KLF12: variants seen among roughly 807,000 people sequenced by gnomAD.
KLF12 encodes the protein KLF transcription factor 12.
A neutral mutation model predicts 37.8 loss-of-function variants in KLF12; 9 were observed. That is an observed-to-expected ratio of 0.24 (90% CI 0.14 to 0.42). The LOEUF (loss-of-function observed/expected upper bound fraction) is 0.42, where lower values mean the gene tolerates loss of function less well. KLF12 is among the 10% of genes least tolerant of loss of function. The pLI is 1.00. For missense variants in KLF12, 411 were observed against 516.0 expected, an observed-to-expected ratio of 0.80 and a Z score of 1.97; for synonymous variants, 208 against 202.1, an observed-to-expected ratio of 1.03 and a Z score of -0.25.
At chr13:73,938,437 T>TGGA (rs1323256983) in intron 3 of KLF12, among the ~76,000 whole-genome samples, 1 of 152,174 alleles carries the variant, frequency 6.6e-6, no homozygotes. Flanking sequence ...GCCTAACGAC[T>TGGA]GGAGTCTTTT....
chr13:73,808,211 A>G (rs1010490645), intron 5 of KLF12, among the ~76,000 whole-genome samples: 1 of 152,138 alleles, frequency 6.6e-6, no homozygotes, highest in Admixed American at 6.5e-5. Flanking sequence ...CCAAAACAAA[A>G]CAGATGTTCT....
rs972831692 is a variant in KLF12 at position 73,846,332 on chromosome 13, G to C, written c.165C>G (p.Pro55=). The stretch of plus-strand genomic sequence containing the variant: ...CCCCTTTCACATTATTTAGCAACAG[G>C]GGAACGGCTTCCATATCGGGATAGT... Residue 55 remains proline, a synonymous_variant, in exon 4 of 8, where the codon CCC becomes CCG. Coordinates refer to ENST00000377669, the MANE Select transcript of KLF12 (RefSeq NM_007249.5). The C allele has an allele frequency of 6.2e-7, 1 of 1,613,804 alleles. No individual in the cohort carries two copies. The highest frequency in any genetic ancestry group is 1.7e-4 in the Middle Eastern group (1 of 5,820).
chr13:74,101,782 A>T (rs535431094), intron 1 of KLF12, among the ~76,000 whole-genome samples: 22 of 152,318 alleles, frequency 1.4e-4, no homozygotes, highest in African/African-American at 5.3e-4. Flanking sequence ...GACATAATAT[A>T]TGAAAAACAT....
chr13:73,706,924 A>G (rs1350567521), intron 7 of KLF12, among the ~76,000 whole-genome samples: 2 of 152,184 alleles, frequency 1.3e-5, no homozygotes, highest in African/African-American at 2.4e-5. Context: ...ACATCTTCTC[A>G]CTGGCTTCTA....
chr13:74,037,909 G>C (rs1893300485), intron 1 of KLF12, among the ~76,000 whole-genome samples: 1 of 152,184 alleles, frequency 6.6e-6, no homozygotes, highest in South Asian at 2.1e-4. Context: ...CACAAGGTCA[G>C]GATGATTAAA....
chr13:73,941,112 G>A (rs1016266118), intron 3 of KLF12, among the ~76,000 whole-genome samples: 1 of 152,194 alleles, frequency 6.6e-6, no homozygotes, highest in East Asian at 1.9e-4. Context: ...TAAAGACAGA[G>A]TACCAAAACT....
chr13:73,738,110 T>TGTGTAC lies in KLF12; in HGVS notation c.870-22586_870-22585insGTACAC, dbSNP rs1218452087. ...ATGTGTACATATATATATATATATA[T>TGTGTAC]ATATATATATATATACACACACACA... On this transcript the variant is annotated intron_variant, in intron 6 of 7. Coordinates refer to ENST00000377669, the MANE Select transcript of KLF12 (RefSeq NM_007249.5). Among the ~76,000 whole-genome samples the TGTGTAC allele has an allele frequency of 1.2e-3, 107 of 90,442 alleles. 6 individuals are homozygous for TGTGTAC. Among genetic ancestry groups the TGTGTAC allele is most frequent in the African/African-American group, 3.6e-3 (81 of 22,262 alleles). 59.3% of individuals were successfully genotyped at this position (90,442 alleles called of 152,430 possible).
chr13:74,281,943 C>T, the KLF12 span, among the ~76,000 whole-genome samples: 1 of 152,302 alleles, frequency 6.6e-6, no homozygotes, highest in East Asian at 1.9e-4. Flanking sequence ...CTCCCTTCTG[C>T]ATTCACAAAT....
At chr13:74,135,106 T>G (rs1227945119), upstream of KLF12, among the ~76,000 whole-genome samples, 1 of 151,264 alleles carries the variant, frequency 6.6e-6, no homozygotes. Flanking sequence ...AGTCATTGTT[T>G]GGGTTCCGGA....
chr13:74,089,775 T>G (rs1278056353), intron 1 of KLF12, among the ~76,000 whole-genome samples: 1 of 144,698 alleles, frequency 6.9e-6, no homozygotes, highest in Non-Finnish European at 1.5e-5. Flanking sequence ...AGAAAGGAAT[T>G]TCCTTGACAC....
chr13:73,764,732 G>T (rs970592164), intron 6 of KLF12, among the ~76,000 whole-genome samples: 6 of 152,092 alleles, frequency 3.9e-5, no homozygotes, highest in African/African-American at 1.4e-4. Flanking sequence ...TACACTCAGG[G>T]TTTTTGGTGA....
At chr13:73,941,666 C>T (rs1297194770) in intron 3 of KLF12, among the ~76,000 whole-genome samples, 1 of 152,132 alleles carries the variant, frequency 6.6e-6, no homozygotes, top group Non-Finnish European at 1.5e-5. Context: ...AAATTCTAGA[C>T]TTTGTTTCAA....
intron 7 of KLF12, among the ~76,000 whole-genome samples, chr13:73,699,745 T>A (rs1874410252): frequency 6.6e-6 from 1 of 152,182 alleles, no homozygotes. Flanking sequence ...CTGAGATGTT[T>A]GGAACTGTTT....
chr13:73,817,512 A>C (rs1346314700), intron 4 of KLF12, among the ~76,000 whole-genome samples: 1 of 152,198 alleles, frequency 6.6e-6, no homozygotes, highest in Non-Finnish European at 1.5e-5. Context: ...CTACAATTAC[A>C]GTCAGCCTAC....
intron 6 of KLF12, among the ~76,000 whole-genome samples, chr13:73,738,529 G>A (rs1264965098): frequency 6.6e-6 from 1 of 151,994 alleles, no homozygotes; most frequent in Non-Finnish European, 1.5e-5. Context: ...AAAAGACACT[G>A]TCTCTGATCT....
chr13:73,756,189 C>T (rs7987613), intron 6 of KLF12, among the ~76,000 whole-genome samples: 1,971 of 152,078 alleles, frequency 0.013, 44 homozygotes, highest in African/African-American at 0.046. Flanking sequence ...TCTTAAAGAG[C>T]CATAAAGACT....
At chr13:73,976,548 T>G (rs933392334) in intron 2 of KLF12, among the ~76,000 whole-genome samples, 10 of 152,112 alleles carry the variant, frequency 6.6e-5, no homozygotes, top group African/African-American at 2.4e-4. Context: ...GCCTCCCTAC[T>G]CCAGTTGTTT....
intron 3 of KLF12, among the ~76,000 whole-genome samples, chr13:73,915,812 G>A (rs1303802349): frequency 6.6e-6 from 1 of 151,110 alleles, no homozygotes; most frequent in African/African-American, 2.4e-5. Flanking sequence ...GATTACAGGC[G>A]TGAGCCACGG....
chr13:74,206,549 A>T, the KLF12 span, among the ~76,000 whole-genome samples: 4 of 152,080 alleles, frequency 2.6e-5, no homozygotes, highest in African/African-American at 9.7e-5. Context: ...ACCCCCAGGA[A>T]ATTGGGTAAT....
Sources: gnomAD v4.1 joint callset for allele counts (sites outside exome capture counted in the v4.1 genomes callset) on GRCh38, gnomAD v4.1.1 for gene constraint, MANE v1.5 for transcripts, NCBI Gene and HGNC (gene_info 2026-07-23, HGNC 2026-07-21) for gene names.